SBF1: variants seen among roughly 807,000 people sequenced by gnomAD.
SBF1 encodes the protein SET binding factor 1, also known as myotubularin-related protein 5.
A neutral mutation model predicts 215.8 loss-of-function variants in SBF1; 65 were observed. That is an observed-to-expected ratio of 0.30 (90% CI 0.25 to 0.37). SBF1 has a LOEUF of 0.37. Among genes scored for constraint, SBF1 ranks in the 10% least tolerant of loss-of-function variants. The pLI is 1.00. For missense variants in SBF1, 2,634 were observed against 2,667.8 expected (o/e 0.99, Z 0.28); for synonymous variants, 1,410 against 1,122.8 (o/e 1.26, Z -5.11).
chr22:50,447,231 T>C lies in SBF1; in HGVS notation c.5593A>G (p.Thr1865Ala), dbSNP rs376846983. ...DEKAFFDVKT[T>A]RRVYNFCAQD... Reference sequence around the variant, plus strand: ...GCACAGAAGTTGTAAACGCGACGCGTTGTCTTCACCTGGGGAAGGGCGGGT... The same window carrying C: ...GCACAGAAGTTGTAAACGCGACGCGCTGTCTTCACCTGGGGAAGGGCGGGT... Residue 1865 changes from threonine (T) to alanine (A), a missense_variant, in exon 41 of 41, where the codon ACG becomes GCG. Transcript: ENST00000380817. The C allele has an allele frequency of 5.1e-5, 82 of 1,613,818 alleles. No individual in the cohort carries two copies. Among genetic ancestry groups the C allele is most frequent in the Admixed American group, 6.7e-5 (4 of 60,004 alleles).
Position 50,460,517 on chromosome 22 carries a change from G to A in SBF1, c.3146+17C>T, listed in dbSNP as rs576012438. The A allele has an allele frequency of 3.5e-5, 57 of 1,612,722 alleles. No homozygotes were observed. Among genetic ancestry groups the A allele is most frequent in the Non-Finnish European group, 4.6e-5 (54 of 1,178,934 alleles). ...CGGCTGAGGCCCAGCTGCCCTGCCT[G>A]GGACCCAGATCCATACCTGAGGGAA... is the stretch of plus-strand genomic sequence containing the variant. On this transcript the variant is annotated intron_variant, in intron 24 of 40. Coordinates refer to ENST00000380817, the MANE Select transcript of SBF1 (RefSeq NM_002972.4).
rs781254344 is a variant in SBF1 at position 50,446,878 on chromosome 22, C to G, written c.*264G>C. 1 of 744,442 alleles carries G rather than the reference C, an allele frequency of 1.3e-6. No individual in the cohort carries two copies. Among genetic ancestry groups the G allele is most frequent in the African/African-American group, 1.7e-5 (1 of 58,874 alleles). The allele number at this position is 744,442 out of a possible 1,614,324, so 46.1% of individuals were successfully genotyped here. ...TGCAGCCGCTGGCTGGACCAGCACA[C>G]GCTGACGGGGCCGGACTATTTACAG... On this transcript the variant is annotated 3_prime_UTR_variant, in exon 41 of 41. Coordinates refer to ENST00000380817, the MANE Select transcript of SBF1 (RefSeq NM_002972.4).
rs768808044 is a variant in SBF1 at position 50,460,420 on chromosome 22, G to A, written c.3147-12C>T. 4.4e-6 allele frequency: 7 copies of A among 1,607,426 alleles called. No individual in the cohort carries two copies. The Admixed American group carries it at 5.0e-5, about 12-fold the overall frequency. ...TCCGGGACAGGGTTCTGAGGCCCAC[G>A]AGAGTCAGCAAAGGTGAGAGGAGGA... On this transcript the variant is annotated splice_polypyrimidine_tract_variant and intron_variant, in intron 24 of 40. Coordinates refer to ENST00000380817, the MANE Select transcript of SBF1 (RefSeq NM_002972.4).
Position 50,464,583 on chromosome 22 carries a change from T to C in SBF1, c.1587A>G (p.Pro529=), listed in dbSNP as rs1603433549. ...TGGTCCTCCTCTCGGCCTTCACAGCTGGGGGTGCACCCTGCATCTTGGCTG... is the reference window on the plus strand; with the variant it reads ...TGGTCCTCCTCTCGGCCTTCACAGCCGGGGGTGCACCCTGCATCTTGGCTG... The part of the protein sequence containing the change: ...QAAAKMQGAP[P]AVKAERRTTV... The change falls in exon 14 of 41, where the codon CCA becomes CCG. Residue 529 remains proline, a synonymous_variant. Coordinates refer to ENST00000380817, the MANE Select transcript of SBF1 (RefSeq NM_002972.4). The C allele has an allele frequency of 3.1e-6, 5 of 1,612,058 alleles. No homozygotes were observed. Among genetic ancestry groups the C allele is most frequent in the Non-Finnish European group, 3.4e-6 (4 of 1,179,730 alleles).
chr22:50,463,217 G>A (rs2067596497), intron 16 of SBF1, 66 bp downstream of exon 16: 2 of 1,588,476 alleles, frequency 1.3e-6, no homozygotes, highest in Non-Finnish European at 1.7e-6. Context: ...TCACAGACCA[G>A]GGTCTGCCCG....
intron 28 of SBF1, among the ~76,000 whole-genome samples, chr22:50,457,961 C>A (rs1282310919): frequency 1.3e-5 from 2 of 152,228 alleles, no homozygotes; most frequent in Non-Finnish European, 1.5e-5. Context: ...GACGCAGCAC[C>A]AGCCTGCTTT....
rs1044737001 is a variant in SBF1, at chr22:50,463,280, C to T, written c.1899+3G>A. On this transcript the variant is annotated splice_donor_region_variant and intron_variant, in intron 16 of 40. Coordinates refer to ENST00000380817, the MANE Select transcript of SBF1 (RefSeq NM_002972.4). ...ATGTCACTAGCAGGATAAGAGGCCT[C>T]ACCTGCAGGCAGCAGTTCATCATAC... The T allele has an allele frequency of 3.1e-6, 5 of 1,613,438 alleles. No individual in the cohort carries two copies. Among genetic ancestry groups the T allele is most frequent in the Non-Finnish European group, 4.2e-6 (5 of 1,179,836 alleles).
At chr22:50,461,001 A>G (rs981192762) in intron 23 of SBF1, among the ~76,000 whole-genome samples, 158 bp downstream of exon 23, 1 of 152,262 alleles carries the variant, frequency 6.6e-6, no homozygotes, top group African/African-American at 2.4e-5. Context: ...AACAGTGGAC[A>G]TCAACTCAAG....
intron 1 of SBF1, 84 bp downstream of exon 1, chr22:50,474,702 G>C: frequency 1.2e-4 from 66 of 559,014 alleles, no homozygotes; most frequent in Non-Finnish European, 1.5e-4. Flanking sequence ...CCCAGCCCCC[G>C]GCCCTCGACC....
In SBF1 at chr22:50,460,402, C is replaced by T; in HGVS notation, c.3153G>A (p.Leu1051=). The T allele has an allele frequency of 1.9e-6, 3 of 1,611,094 alleles. No individual in the cohort carries two copies. The highest frequency in any genetic ancestry group is 1.7e-6 in the Non-Finnish European group (2 of 1,178,274). ...TGGCGTTCTTGACCAGGTTCCGGGA[C>T]AGGGTTCTGAGGCCCACGAGAGTCA... is the stretch of plus-strand genomic sequence containing the variant. ...TKDKGPSLRT[L]SRNLVKNAKK... is the part of the protein sequence containing the mutation. Residue 1051 remains leucine, a synonymous_variant, in exon 25 of 41, where the codon CTG becomes CTA. Transcript: ENST00000380817.
rs764398518 is a variant in SBF1, at chr22:50,460,101, G to A, written c.3342C>T (p.Asp1114=). Residue 1114 remains aspartate, a synonymous_variant, in exon 26 of 41, where the codon GAC becomes GAT. Transcript: ENST00000380817. The stretch of plus-strand genomic sequence containing the variant: ...CCACCAGGCTGCTCATGGTCATGCG[G>A]TCGGAGGGCTTCAGGGCTGAGGACG... The part of the protein sequence containing the change: ...LTPSSALKPS[D]RMTMSSLVER... 15 of 1,613,528 alleles carry A rather than the reference G, an allele frequency of 9.3e-6. No homozygotes were observed. The South Asian group carries it at 1.3e-4, about 14-fold the overall frequency.
chr22:50,453,179 A>G (rs1265922559), intron 36 of SBF1, among the ~76,000 whole-genome samples: 1 of 152,208 alleles, frequency 6.6e-6, no homozygotes, highest in Non-Finnish European at 1.5e-5. Context: ...TTAAACATAA[A>G]CACACAGACC....
rs1022090702 is a variant in SBF1, at chr22:50,446,387, C to G, written c.*755G>C. 6.7e-6 allele frequency: 1 copy of G among 148,666 alleles called. No homozygotes were observed. Among genetic ancestry groups the G allele is most frequent in the Non-Finnish European group, 1.5e-5 (1 of 67,638 alleles). The allele number at this position is 148,666 out of a possible 1,614,324, so 9.2% of individuals were successfully genotyped here. A position where few individuals can be genotyped will look rare whatever the true frequency, so the allele number is the denominator to read the frequency against. ...CCCCCCCCCCGCCTCCGGCCTCCAT[C>G]CCTTCAGCTCGGGTCTAGCCAGAAA... On this transcript the variant is annotated 3_prime_UTR_variant, in exon 41 of 41. Coordinates refer to ENST00000380817, the MANE Select transcript of SBF1 (RefSeq NM_002972.4).
At chr22:50,450,171 G>C (rs6010049) in intron 36 of SBF1, among the ~76,000 whole-genome samples, 1 of 152,292 alleles carries the variant, frequency 6.6e-6, no homozygotes, top group Non-Finnish European at 1.5e-5. Context: ...GCCAAATTAG[G>C]CTGCCATGTG....
intron 28 of SBF1, 81 bp downstream of exon 28, chr22:50,459,173 CT>C (rs1379722246): frequency 3.3e-6 from 5 of 1,514,364 alleles, no homozygotes; most frequent in Non-Finnish European, 4.4e-6. Context: ...CTGCTCCTCC[CT>C]GGCCTGCCTG....
Position 50,461,428 on chromosome 22 carries a change from C to A in SBF1, c.2839+95G>T, listed in dbSNP as rs1603432761. 1.3e-5 allele frequency: 20 copies of A among 1,496,072 alleles called. No individual in the cohort carries two copies. In the South Asian group the frequency reaches 2.6e-4, roughly 19 times the overall value. 92.7% of individuals were successfully genotyped at this position (1,496,072 alleles called of 1,614,324 possible). On this transcript the variant is annotated intron_variant, in intron 22 of 40. Coordinates refer to ENST00000380817, the MANE Select transcript of SBF1 (RefSeq NM_002972.4). Reference sequence around the variant, plus strand: ...GCCCGTTTCCCACGGGCACCCAGAACCCCCGAGAAAAGGGAGAGGGAGGCA... The same window carrying A: ...GCCCGTTTCCCACGGGCACCCAGAAACCCCGAGAAAAGGGAGAGGGAGGCA...
intron 1 of SBF1, 112 bp from the exon 2 acceptor site, chr22:50,468,573 G>C (rs984328763): frequency 2.0e-5 from 14 of 694,864 alleles, no homozygotes; most frequent in South Asian, 1.2e-4. Flanking sequence ...TCTGGCACCA[G>C]ATCAGCCACA....
chr22:50,459,978 G>A lies in SBF1; in HGVS notation c.3465C>T (p.Val1155=), dbSNP rs752079835. 1.2e-6 allele frequency: 2 copies of A among 1,613,866 alleles called. No homozygotes were observed. The highest frequency in any genetic ancestry group is 1.3e-5 in the African/African-American group (1 of 75,068). The change falls in exon 26 of 41, where the codon GTC becomes GTT. Residue 1155 remains valine (V), a synonymous_variant. Transcript: ENST00000380817. Reference sequence around the variant, plus strand: ...TGCGGCAGATGGCATACATGCGGTTGACCGGAGAAATGCGGAAGGGCTCAG... The same window carrying A: ...TGCGGCAGATGGCATACATGCGGTTAACCGGAGAAATGCGGAAGGGCTCAG... The part of the protein sequence containing the change: ...AKSEPFRISP[V]NRMYAICRSY...
Position 50,461,201 on chromosome 22 carries a change from C to T in SBF1, c.2925G>A (p.Gln975=), listed in dbSNP as rs372582556. The change falls in exon 23 of 41, where the codon CAG becomes CAA. Residue 975 remains glutamine, a synonymous_variant. Coordinates refer to ENST00000380817, the MANE Select transcript of SBF1 (RefSeq NM_002972.4). The part of the protein sequence containing the change: ...KRISVQTPVD[Q]LLQDGLQLRS... Reference sequence around the variant, plus strand: ...GCAGCTGGAGCCCGTCCTGCAGGAGCTGGTCCACAGGGGTCTGGACGCTGA... The same window carrying T: ...GCAGCTGGAGCCCGTCCTGCAGGAGTTGGTCCACAGGGGTCTGGACGCTGA... The T allele has an allele frequency of 6.2e-6, 10 of 1,611,078 alleles. No homozygotes were observed. In the African/African-American group the frequency reaches 1.3e-4, roughly 22 times the overall value.
Sources: gnomAD v4.1 joint callset for allele counts (sites outside exome capture counted in the v4.1 genomes callset) on GRCh38, gnomAD v4.1.1 for gene constraint, MANE v1.5 for transcripts, NCBI Gene and HGNC (gene_info 2026-07-23, HGNC 2026-07-21) for gene names.